Variants in SLIT3 observed in about 807,000 individuals in gnomAD.
SLIT3 encodes slit homolog 3 protein.
Under a neutral mutation model 184.0 loss-of-function variants are expected in SLIT3, and 68 were observed. The observed-to-expected ratio is 0.37, with a 90% confidence interval of 0.30 to 0.45. The LOEUF (loss-of-function observed/expected upper bound fraction) is 0.45, where lower values mean the gene tolerates loss of function less well. Ranked by LOEUF, SLIT3 falls within the 20% of genes least tolerant of loss-of-function variation. The pLI is 1.00. For missense variants in SLIT3, 1,707 were observed against 2,026.0 expected (o/e 0.84, Z 3.02); for synonymous variants, 831 against 828.6 (o/e 1.00, Z -0.05).
Position 169,027,688 on chromosome 5 carries a change from C to T in SLIT3, c.414-144352G>A, listed in dbSNP as rs536473466. ...CAATTTGCTTGTATAAACAGAAGGC[C>T]GAGGCAGGCGAGGGACGTCACTTGG... On this transcript the variant is annotated intron_variant, in intron 4 of 35. Transcript: ENST00000519560. Among the ~76,000 whole-genome samples the T allele has an allele frequency of 3.3e-5, 5 of 152,260 alleles. No homozygotes were observed. In the East Asian group the frequency reaches 5.8e-4, roughly 18 times the overall value.
intron 32 of SLIT3, among the ~76,000 whole-genome samples, chr5:168,679,723 C>G (rs937913083): frequency 6.6e-6 from 1 of 152,192 alleles, no homozygotes; most frequent in African/African-American, 2.4e-5. Context: ...ACTGCAGCAA[C>G]CCCCTACTCC....
intron 5 of SLIT3, among the ~76,000 whole-genome samples, chr5:168,873,193 C>T (rs17733776): frequency 0.013 from 1,936 of 152,228 alleles, 20 homozygotes; most frequent in East Asian, 0.046. Context: ...CTTGGGATCC[C>T]GCTGTAGCCT....
intron 4 of SLIT3, among the ~76,000 whole-genome samples, chr5:169,003,145 T>C (rs1755778992): frequency 6.6e-6 from 1 of 152,254 alleles, no homozygotes; most frequent in Non-Finnish European, 1.5e-5. Context: ...TGTATCTACA[T>C]ATGTATGCAG....
chr5:169,104,545 C>A (rs896193414), intron 4 of SLIT3, among the ~76,000 whole-genome samples: 2 of 152,192 alleles, frequency 1.3e-5, no homozygotes, highest in Non-Finnish European at 2.9e-5. Context: ...CATTGATGAA[C>A]TTTGGGTCAA....
At chr5:169,242,582 G>T (rs1405561052) in intron 3 of SLIT3, among the ~76,000 whole-genome samples, 1 of 152,016 alleles carries the variant, frequency 6.6e-6, no homozygotes, top group African/African-American at 2.4e-5. Context: ...GATTTAAGGA[G>T]GGTAAAGTTG....
At chr5:169,197,917 G>A (rs1763789154) in intron 3 of SLIT3, among the ~76,000 whole-genome samples, 2 of 152,096 alleles carry the variant, frequency 1.3e-5, no homozygotes, top group Non-Finnish European at 2.9e-5. Flanking sequence ...ACCACTAAAG[G>A]CCTTTCTAGA....
intron 4 of SLIT3, among the ~76,000 whole-genome samples, chr5:169,171,581 A>G (rs574594354): frequency 1.0e-3 from 157 of 152,338 alleles, no homozygotes; most frequent in African/African-American, 3.7e-3. Flanking sequence ...TTTCAGCCAA[A>G]GATGTGGTCT....
intron 14 of SLIT3, 131 bp from the exon 15 acceptor site, chr5:168,762,820 C>T (rs2288795): frequency 0.53 from 447,256 of 845,794 alleles, 119,712 homozygotes; most frequent in East Asian, 0.59. Flanking sequence ...GTAACAGACA[C>T]GGCATCGCCT....
At chr5:169,073,902 G>T (rs1758644228) in intron 4 of SLIT3, among the ~76,000 whole-genome samples, 1 of 152,138 alleles carries the variant, frequency 6.6e-6, no homozygotes, top group African/African-American at 2.4e-5. Flanking sequence ...TTCCTTTAGT[G>T]CAATGCAGCT....
At chr5:168,956,359 T>C (rs1360168348) in intron 4 of SLIT3, among the ~76,000 whole-genome samples, 1 of 152,174 alleles carries the variant, frequency 6.6e-6, no homozygotes, top group African/African-American at 2.4e-5. Flanking sequence ...AAAGGACAGC[T>C]TGGAGAAAAC....
At chr5:169,041,305 A>T (rs1443934700) in intron 4 of SLIT3, among the ~76,000 whole-genome samples, 1 of 152,202 alleles carries the variant, frequency 6.6e-6, no homozygotes, top group Non-Finnish European at 1.5e-5. Context: ...TGTGAATGAG[A>T]CACAGTCCTT....
At chr5:168,743,109 C>T (rs1337186498) in intron 20 of SLIT3, among the ~76,000 whole-genome samples, 1 of 152,170 alleles carries the variant, frequency 6.6e-6, no homozygotes, top group African/African-American at 2.4e-5. Flanking sequence ...CAGGTTCTGT[C>T]CCCAAAAGCA....
rs773221265 is a variant in SLIT3 at position 168,774,274 on chromosome 5, C to T, written c.1256G>A (p.Ser419Asn). The change falls in exon 13 of 36, where the codon AGC (serine) becomes AAC (asparagine). Residue 419 changes from serine to asparagine, a missense_variant. Physicochemically the swap from Ser to Asn is conservative, Grantham distance 46 (BLOSUM62 1). This residue lies in a region of SLIT3 where 1,307 missense variants were observed against 1,511.6 expected (regional missense o/e 0.86). Coordinates refer to ENST00000519560, the MANE Select transcript of SLIT3 (RefSeq NM_003062.4). Reference protein sequence around the residue: ...SLYDNKLQTISKGLFAPLQSI... With the variant: ...SLYDNKLQTINKGLFAPLQSI... ...CTGCAGAGGGGCGAAGAGCCCCTTG[C>T]TGATGGTCTGCAGCTTGTTGTCATA... is the stretch of plus-strand genomic sequence containing the variant. The T allele has an allele frequency of 3.2e-5, 51 of 1,613,994 alleles. 1 individual carries two copies. In the South Asian group the frequency reaches 5.6e-4, roughly 18 times the overall value.
At chr5:169,054,997 GC>G (rs1419121761) in intron 4 of SLIT3, among the ~76,000 whole-genome samples, 2 of 152,158 alleles carry the variant, frequency 1.3e-5, no homozygotes, top group African/African-American at 2.4e-5. Flanking sequence ...TGGCCCTCAT[GC>G]CTAGCATATG....
At chr5:168,843,793 A>G (rs1408062349) in intron 6 of SLIT3, among the ~76,000 whole-genome samples, 1 of 152,202 alleles carries the variant, frequency 6.6e-6, no homozygotes, top group African/African-American at 2.4e-5. Flanking sequence ...ACACAATTCA[A>G]CTTTAGTTGG....
chr5:169,137,936 C>T (rs1761583797), intron 4 of SLIT3, among the ~76,000 whole-genome samples: 1 of 152,104 alleles, frequency 6.6e-6, no homozygotes, highest in Non-Finnish European at 1.5e-5. Flanking sequence ...CTCTCATTTA[C>T]TAGATCTCAC....
intron 1 of SLIT3, among the ~76,000 whole-genome samples, chr5:169,288,413 T>C (rs1043818253): frequency 6.6e-6 from 1 of 152,166 alleles, no homozygotes; most frequent in Non-Finnish European, 1.5e-5. Flanking sequence ...TTCTACATAT[T>C]TGTACCCACT....
chr5:168,766,321 C>T (rs550926856), intron 14 of SLIT3, among the ~76,000 whole-genome samples: 65 of 152,262 alleles, frequency 4.3e-4, no homozygotes, highest in African/African-American at 1.5e-3. Flanking sequence ...TTGGGGGGAG[C>T]GTAAGTCCTG....
chr5:169,069,339 T>C (rs2338296), intron 4 of SLIT3, among the ~76,000 whole-genome samples: 68,815 of 152,066 alleles, frequency 0.45, 15,891 homozygotes, highest in South Asian at 0.58. Context: ...AGGTGAAATA[T>C]GAGGAAGAGG....
Sources: gnomAD v4.1 joint callset for allele counts (sites outside exome capture counted in the v4.1 genomes callset) on GRCh38, gnomAD v4.1.1 for gene constraint, gnomAD v4.1.1 regional missense constraint, MANE v1.5 for transcripts, NCBI Gene and HGNC (gene_info 2026-07-23, HGNC 2026-07-21) for gene names.